The following MACF1 variants were observed in gnomAD, a reference collection of about 807,000 sequenced individuals.
MACF1 encodes microtubule actin crosslinking factor 1, also known as microtubule-actin cross-linking factor 1.
Under a neutral mutation model 854.8 loss-of-function variants are expected in MACF1, and 193 were observed. The ratio of observed to expected loss-of-function variants is 0.23; its 90% confidence interval spans 0.20 to 0.25. The LOEUF (loss-of-function observed/expected upper bound fraction) is 0.25, where lower values mean the gene tolerates loss of function less well. Ranked by LOEUF, MACF1 falls within the 10% of genes least tolerant of loss-of-function variation. MACF1 has a pLI of 1.00. For synonymous variants in MACF1, 3,185 were observed against 3,226.7 expected, an observed-to-expected ratio of 0.99 and a Z score of 0.44; for missense variants, 7,722 against 8,929.1, an observed-to-expected ratio of 0.86 and a Z score of 5.45.
intron 36 of MACF1, among the ~76,000 whole-genome samples, chr1:39,329,417 A>T (rs1646677510): frequency 6.6e-6 from 1 of 152,212 alleles, no homozygotes; most frequent in South Asian, 2.1e-4. Context: ...TTATTTATCC[A>T]TATTCATCCC....
intron 1 of MACF1, among the ~76,000 whole-genome samples, chr1:39,223,758 C>T (rs1644681541): frequency 6.6e-6 from 1 of 152,240 alleles, no homozygotes; most frequent in East Asian, 1.9e-4. Context: ...CTCCAGTGAT[C>T]TGCCCGCTTC....
intron 58 of MACF1, among the ~76,000 whole-genome samples, chr1:39,394,285 A>G (rs535719003): frequency 0.016 from 2,465 of 151,972 alleles, 73 homozygotes; most frequent in African/African-American, 0.057. Flanking sequence ...ATTTATTGCC[A>G]CATAGAAAGC....
intron 15 of MACF1, among the ~76,000 whole-genome samples, chr1:39,288,594 G>T (rs1212328599): frequency 6.6e-6 from 1 of 151,800 alleles, no homozygotes; most frequent in Non-Finnish European, 1.5e-5. Flanking sequence ...GAGTCCAGGA[G>T]TTCAAGACCA....
At chr1:39,446,254 A>C (rs962658695) in intron 80 of MACF1, among the ~76,000 whole-genome samples, 19 of 151,978 alleles carry the variant, frequency 1.3e-4, no homozygotes, top group Non-Finnish European at 7.4e-5. Flanking sequence ...AAGAATATGT[A>C]GATATAAAGA....
In MACF1 at chr1:39,435,541, A is replaced by G. The variant is rs371971834; in HGVS notation, c.17785-17A>G. The G allele has an allele frequency of 7.5e-6, 12 of 1,600,850 alleles. No individual in the cohort carries two copies. Among genetic ancestry groups the G allele is most frequent in the African/African-American group, 1.3e-5 (1 of 74,456 alleles). On this transcript the variant is annotated splice_polypyrimidine_tract_variant and intron_variant, in intron 69 of 100. Coordinates refer to ENST00000564288, the MANE Select transcript of MACF1 (RefSeq NM_001394062.1). ...GTATAAAAGTACTCATTATGGTTTA[A>G]TTCTTTTTTTACCTAGCAATTAAGG...
Position 39,344,192 on chromosome 1 carries a change from G to A in MACF1, c.10582-2785G>A, listed in dbSNP as rs568108024. 3.3e-5 allele frequency among the ~76,000 whole-genome samples: 5 copies of A among 152,046 alleles called. No homozygotes were observed. In the South Asian group the frequency reaches 6.2e-4, roughly 19 times the overall value. On this transcript the variant is annotated intron_variant, in intron 40 of 100. Transcript: ENST00000564288. ...TATAAATCCCAACACTTTGGGAGGC[G>A]AAGGCGGGAGGATCACCTGAAGTTC...
chr1:39,249,487 T>G (rs550751634), intron 2 of MACF1, among the ~76,000 whole-genome samples: 2 of 152,302 alleles, frequency 1.3e-5, no homozygotes, highest in African/African-American at 4.8e-5. Context: ...TAGTTCCAAT[T>G]TTAAAGTTAA....
chr1:39,463,458 C>T (rs1188758411), intron 93 of MACF1, among the ~76,000 whole-genome samples, 154 bp from the exon 94 acceptor site: 4 of 151,602 alleles, frequency 2.6e-5, no homozygotes, highest in Admixed American at 2.0e-4. Flanking sequence ...CCATTGCCCT[C>T]CAGCCTGGGC....
intron 2 of MACF1, among the ~76,000 whole-genome samples, chr1:39,146,553 A>G (rs1046354846): frequency 6.6e-6 from 1 of 152,170 alleles, no homozygotes; most frequent in Non-Finnish European, 1.5e-5. Flanking sequence ...AACAACATGG[A>G]TGGAACTGGA....
intron 10 of MACF1, 63 bp from the exon 11 acceptor site, chr1:39,284,270 G>A (rs1453406205): frequency 1.4e-5 from 22 of 1,567,482 alleles, no homozygotes; most frequent in East Asian, 2.2e-5. Context: ...TCTAGGTGAG[G>A]TGGTATGAAA....
At chr1:39,404,302 C>T (rs551322153) in intron 58 of MACF1, among the ~76,000 whole-genome samples, 7 of 151,520 alleles carry the variant, frequency 4.6e-5, no homozygotes, top group Middle Eastern at 3.4e-3. Context: ...AAAACCCCAT[C>T]TCTACTAAAA....
chr1:39,170,935 C>T (rs1379385278), intron 2 of MACF1, among the ~76,000 whole-genome samples: 2 of 152,274 alleles, frequency 1.3e-5, no homozygotes, highest in East Asian at 3.9e-4. Flanking sequence ...GGCCTGAGAC[C>T]TCTTTCCCTC....
rs1491154877 is a variant in MACF1, at chr1:39,102,211, GAA to G, written c.220+17775_220+17776del. Among the ~76,000 whole-genome samples the G allele has an allele frequency of 3.0e-3, 415 of 138,652 alleles. 1 individual carries two copies. Among genetic ancestry groups the G allele is most frequent in the Non-Finnish European group, 5.2e-3 (327 of 63,090 alleles). 91.0% of individuals were successfully genotyped at this position (138,652 alleles called of 152,430 possible). A position where few individuals can be genotyped will look rare whatever the true frequency, so the allele number is the denominator to read the frequency against. On this transcript the variant is annotated intron_variant, in intron 2 of 93. Coordinates refer to the MACF1 transcript ENST00000361689. ...AAAAAGAAAGAGAGAGAGAGAGAGA[GAA>G]AGAGAGAGAGAAAGAAAAGAAAAGA...
At chr1:39,221,213 G>GA (rs1344939166) in intron 1 of MACF1, among the ~76,000 whole-genome samples, 1 of 152,124 alleles carries the variant, frequency 6.6e-6, no homozygotes, top group Non-Finnish European at 1.5e-5. Context: ...TTGAACCACC[G>GA]AAAACGTAGT....
At chr1:39,235,767 A>G (rs1261211926) in intron 2 of MACF1, among the ~76,000 whole-genome samples, 1 of 152,100 alleles carries the variant, frequency 6.6e-6, no homozygotes, top group Non-Finnish European at 1.5e-5. Context: ...GACAGGGTTT[A>G]CTCTGTTGCC....
At chr1:39,226,610 A>ATT (rs1644719340) in intron 1 of MACF1, among the ~76,000 whole-genome samples, 2 of 152,144 alleles carry the variant, frequency 1.3e-5, no homozygotes, top group East Asian at 3.9e-4. Flanking sequence ...AAGTGCTGGG[A>ATT]TTACAGGTGT....
chr1:39,303,219 C>G (rs1388520542), intron 23 of MACF1, 141 bp downstream of exon 23: 5 of 888,314 alleles, frequency 5.6e-6, no homozygotes, highest in African/African-American at 1.7e-5. Flanking sequence ...TTGGAGATAT[C>G]AAGTCTCCTA....
intron 2 of MACF1, among the ~76,000 whole-genome samples, chr1:39,111,323 G>A (rs920987532): frequency 2.0e-5 from 3 of 152,048 alleles, no homozygotes; most frequent in African/African-American, 7.2e-5. Context: ...AGCCTCCGGA[G>A]TAGCTAGGAT....
At chr1:39,141,571 C>G (rs935024051) in intron 2 of MACF1, among the ~76,000 whole-genome samples, 1 of 152,122 alleles carries the variant, frequency 6.6e-6, no homozygotes, top group Non-Finnish European at 1.5e-5. Context: ...AGGATTCTGA[C>G]GGAGATTGAA....
Sources: allele counts gnomAD v4.1 joint callset (sites outside exome capture counted in the v4.1 genomes callset), GRCh38; gene constraint gnomAD v4.1.1; transcripts MANE v1.5; gene names NCBI Gene and HGNC (gene_info 2026-07-23, HGNC 2026-07-21).